TRIP12: variants seen among roughly 807,000 people sequenced by gnomAD.
TRIP12 encodes E3 ubiquitin-protein ligase TRIP12.
TRIP12 carries 25 observed loss-of-function variants against 244.2 expected under a neutral mutation model. The observed-to-expected ratio is 0.10, with a 90% confidence interval of 0.07 to 0.14. The LOEUF (loss-of-function observed/expected upper bound fraction) is 0.14, where lower values mean the gene tolerates loss of function less well. Among genes scored for constraint, TRIP12 ranks in the 10% least tolerant of loss-of-function variants. The probability of loss-of-function intolerance (pLI) is 1.00; values close to 1 mark genes in which losing one functional copy is unlikely to be tolerated. For synonymous variants in TRIP12, 905 were observed against 873.1 expected (o/e 1.04, Z -0.64); for missense variants, 1,677 against 2,486.4 (o/e 0.67, Z 6.92).
At position 229,795,301 on chromosome 2, in the gene TRIP12, C is replaced by T; in HGVS notation, c.3846G>A (p.Val1282=). ...ACAAAGGTGCATTACCCACTGGTTC[C>T]ACTCTTCCAATGGGCTCTTCTCCAG... is the stretch of plus-strand genomic sequence containing the variant. ...PLPGEEPIGR[V]EPVGNAPLLA... The change falls in exon 26 of 42, where the codon GTG becomes GTA. Residue 1282 remains valine, a synonymous_variant. Transcript: ENST00000675903. 1 of 1,613,832 alleles carries T rather than the reference C, an allele frequency of 6.2e-7. No individual in the cohort carries two copies. The highest frequency in any genetic ancestry group is 1.7e-5 in the Admixed American group (1 of 60,000).
At chr2:229,838,576 C>A (rs1384536760) in intron 5 of TRIP12, among the ~76,000 whole-genome samples, 1 of 152,120 alleles carries the variant, frequency 6.6e-6, no homozygotes, top group Non-Finnish European at 1.5e-5. Context: ...AACAGCAGGG[C>A]AAGCAAGACA....
At chr2:229,855,490 TAATCA>T (rs2059433884) in intron 4 of TRIP12, among the ~76,000 whole-genome samples, 1 of 151,710 alleles carries the variant, frequency 6.6e-6, no homozygotes, top group Non-Finnish European at 1.5e-5. Flanking sequence ...TCTCTAAATT[TAATCA>T]ATACTATCAA....
At chr2:229,922,260 C>T, upstream of TRIP12, 1 of 507,854 alleles carries the variant, frequency 2.0e-6, no homozygotes, top group Non-Finnish European at 3.6e-6. Flanking sequence ...CTTGGTATCC[C>T]TCCGCCGGGG....
chr2:229,792,572 G>A (rs2041815651), intron 27 of TRIP12, among the ~76,000 whole-genome samples: 1 of 152,150 alleles, frequency 6.6e-6, no homozygotes, highest in Admixed American at 6.5e-5. Flanking sequence ...AAAGTTGTCA[G>A]GTGTGGAGTC....
chr2:229,769,200 A>T (rs1235610678), intron 40 of TRIP12, 31 bp downstream of exon 40: 1 of 1,592,492 alleles, frequency 6.3e-7, no homozygotes, highest in Non-Finnish European at 8.6e-7. Flanking sequence ...CTTCAGAATC[A>T]ACAGAAAAAC....
chr2:229,885,570 T>C (rs1357775034), intron 1 of TRIP12, among the ~76,000 whole-genome samples: 1 of 152,154 alleles, frequency 6.6e-6, no homozygotes, highest in Non-Finnish European at 1.5e-5. Flanking sequence ...CAGAACCAAG[T>C]GTGGTAAGGG....
chr2:229,796,535 AT>A, intron 25 of TRIP12, 55 bp downstream of exon 25: 1 of 1,391,952 alleles, frequency 7.2e-7, no homozygotes, highest in Non-Finnish European at 9.5e-7. Context: ...ATGAAAATAT[AT>A]GCATTAGTGA....
chr2:229,815,645 C>A (rs2048318673), intron 9 of TRIP12, among the ~76,000 whole-genome samples: 1 of 151,870 alleles, frequency 6.6e-6, no homozygotes, highest in Admixed American at 6.6e-5. Flanking sequence ...TGAGGACTTA[C>A]TAGTGCTAAT....
chr2:229,906,810 A>T (rs1201117506), intron 1 of TRIP12, among the ~76,000 whole-genome samples: 2 of 152,098 alleles, frequency 1.3e-5, no homozygotes, highest in Non-Finnish European at 2.9e-5. Context: ...GGAATATGGG[A>T]TGTTCCTTAC....
Position 229,859,223 on chromosome 2 carries a change from T to G in TRIP12, c.576A>C (p.Lys192Asn). 1 of 1,614,202 alleles carries G rather than the reference T, an allele frequency of 6.2e-7. No homozygotes were observed. The highest frequency in any genetic ancestry group is 8.5e-7 in the Non-Finnish European group (1 of 1,180,040). The change falls in exon 4 of 42, where the codon AAA becomes AAC. Residue 192 changes from lysine to asparagine, a missense_variant. Transcript: ENST00000675903. ...ATGGSRSQKR[K>N]RTESSCVKSG... ...TCTTTACACAAGAACTCTCTGTCCTTTTTCTTTTCTGACTCCGTGAACCGC... is the reference window on the plus strand; with the variant it reads ...TCTTTACACAAGAACTCTCTGTCCTGTTTCTTTTCTGACTCCGTGAACCGC...
At chr2:229,803,490 A>C in intron 20 of TRIP12, 81 bp downstream of exon 20, 2 of 840,028 alleles carry the variant, frequency 2.4e-6, no homozygotes, top group East Asian at 2.6e-5. Flanking sequence ...AAAAGCTATC[A>C]GTTTTTGCTC....
At chr2:229,805,951 G>A in intron 17 of TRIP12, 68 bp from the exon 18 acceptor site, 1 of 1,285,508 alleles carries the variant, frequency 7.8e-7, no homozygotes, top group East Asian at 2.6e-5. Context: ...GACACAGTGG[G>A]GACCCTCCAA....
intron 16 of TRIP12, 41 bp from the exon 17 acceptor site, chr2:229,807,905 A>G (rs773101887): frequency 1.3e-6 from 2 of 1,568,290 alleles, no homozygotes; most frequent in African/African-American, 1.4e-5. Context: ...ACTTTATGAA[A>G]TATTAGTAAA....
At chr2:229,911,454 T>C (rs181315939) in intron 1 of TRIP12, among the ~76,000 whole-genome samples, 1 of 152,216 alleles carries the variant, frequency 6.6e-6, no homozygotes. Flanking sequence ...TACATACTTG[T>C]ATAAAAGTAA....
At chr2:229,856,936 T>C (rs1369402449) in intron 4 of TRIP12, among the ~76,000 whole-genome samples, 1 of 152,228 alleles carries the variant, frequency 6.6e-6, no homozygotes, top group Non-Finnish European at 1.5e-5. Context: ...GTAAAATATG[T>C]TACTTCACAA....
At chr2:229,922,937 C>A (rs2076807126), upstream of TRIP12, among the ~76,000 whole-genome samples, 1 of 152,188 alleles carries the variant, frequency 6.6e-6, no homozygotes, top group Non-Finnish European at 1.5e-5. Flanking sequence ...TTGCGTGCGG[C>A]CTCACCTCAG....
Position 229,810,505 on chromosome 2 carries a change from T to C in TRIP12, c.2221+375A>G, listed in dbSNP as rs190265506. 1.7e-4 allele frequency among the ~76,000 whole-genome samples: 26 copies of C among 152,222 alleles called. 1 individual carries two copies. The highest frequency in any genetic ancestry group is 6.8e-3 in the Middle Eastern group (2 of 294). ...AGACAGCATTCTGGAATCAGAAAAATTGCTAGAAAATCTAACATGGGCAGA... is the reference window on the plus strand; with the variant it reads ...AGACAGCATTCTGGAATCAGAAAAACTGCTAGAAAATCTAACATGGGCAGA... On this transcript the variant is annotated intron_variant, in intron 15 of 41. Transcript: ENST00000675903.
At chr2:229,798,511 T>C (rs991108930) in intron 23 of TRIP12, among the ~76,000 whole-genome samples, 19 of 150,048 alleles carry the variant, frequency 1.3e-4, no homozygotes, top group African/African-American at 4.2e-4. Context: ...AGTTCCATTG[T>C]AATGGGTAGA....
chr2:229,803,899 A>G (rs2045147356), intron 19 of TRIP12, 100 bp downstream of exon 19: 1 of 1,118,894 alleles, frequency 8.9e-7, no homozygotes, highest in South Asian at 1.7e-5. Flanking sequence ...CTCCTAACAA[A>G]TTTTTGTGCA....
Sources: allele counts gnomAD v4.1 joint callset (sites outside exome capture counted in the v4.1 genomes callset), GRCh38; gene constraint gnomAD v4.1.1; transcripts MANE v1.5; gene names NCBI Gene and HGNC (gene_info 2026-07-23, HGNC 2026-07-21).